IMPG1: variants seen among roughly 807,000 people sequenced by gnomAD.
IMPG1 encodes interphotoreceptor matrix proteoglycan 1, also known as interphotoreceptor matrix proteoglycan of 150 kDa.
In IMPG1, 85 loss-of-function variants were observed where a neutral mutation model predicts 92.0. That is an observed-to-expected ratio of 0.92 (90% CI 0.78 to 1.11). The LOEUF (loss-of-function observed/expected upper bound fraction) is 1.11. IMPG1 is among the 50% of genes least tolerant of loss of function. The pLI, the probability that IMPG1 is intolerant of heterozygous loss-of-function variation, is 0.00. For synonymous variants in IMPG1, 367 were observed against 334.1 expected, an observed-to-expected ratio of 1.10 and a Z score of -1.08; for missense variants, 1,022 against 956.0, an observed-to-expected ratio of 1.07 and a Z score of -0.91.
intron 15 of IMPG1, among the ~76,000 whole-genome samples, chr6:75,924,692 A>ATGATATATTATATAT (rs1433490453): frequency 0.022 from 8 of 358 alleles, 1 homozygote; most frequent in Non-Finnish European, 0.05. Context: ...TATTATATAT[A>ATGATATATTATATAT]AATAATTATA....
intron 1 of IMPG1, among the ~76,000 whole-genome samples, chr6:76,066,219 A>G (rs1784308177): frequency 6.6e-6 from 1 of 152,116 alleles, no homozygotes; most frequent in South Asian, 2.1e-4. Context: ...AACTCCACAT[A>G]TTAATATTAA....
chr6:76,059,080 C>T (rs1203235344), intron 1 of IMPG1, among the ~76,000 whole-genome samples: 2 of 151,970 alleles, frequency 1.3e-5, no homozygotes, highest in African/African-American at 2.4e-5. Flanking sequence ...AGGATCAGAT[C>T]CAATAGAAAG....
chr6:75,976,682 C>T (rs998409096), intron 12 of IMPG1, among the ~76,000 whole-genome samples: 4 of 152,094 alleles, frequency 2.6e-5, no homozygotes, highest in South Asian at 2.1e-4. Context: ...GAGGCTGAGG[C>T]GGGCGGATCA....
At chr6:76,063,001 C>T (rs1346450200) in intron 1 of IMPG1, among the ~76,000 whole-genome samples, 4 of 151,454 alleles carry the variant, frequency 2.6e-5, no homozygotes, top group East Asian at 3.9e-4. Flanking sequence ...GTCAGGAGTT[C>T]GAGACCAGCC....
At chr6:75,974,373 TTCTTTCTTTC>T (rs1782484588) in intron 12 of IMPG1, among the ~76,000 whole-genome samples, 1 of 118,878 alleles carries the variant, frequency 8.4e-6, no homozygotes, top group Non-Finnish European at 1.8e-5. Context: ...CTTTCTTTCT[TTCTTTCTTTC>T]TTTCTTTCTT....
At chr6:75,964,693 A>AAAG (rs1554229450) in intron 12 of IMPG1, among the ~76,000 whole-genome samples, 23 of 142,514 alleles carry the variant, frequency 1.6e-4, no homozygotes, top group African/African-American at 5.4e-4. Flanking sequence ...AAAAAAAAAA[A>AAAG]AGAGAGAGAG....
chr6:76,042,733 G>A (rs1253422604), intron 1 of IMPG1, among the ~76,000 whole-genome samples: 2 of 152,024 alleles, frequency 1.3e-5, no homozygotes, highest in African/African-American at 4.8e-5. Context: ...AAGGATAAAG[G>A]GGGAGGCTTC....
chr6:76,050,406 G>A (rs186591600), intron 1 of IMPG1, among the ~76,000 whole-genome samples: 2 of 152,254 alleles, frequency 1.3e-5, no homozygotes, highest in African/African-American at 2.4e-5. Context: ...TCGTGACACT[G>A]CACTCCAGCC....
At chr6:75,930,240 T>C (rs1319571601) in intron 15 of IMPG1, among the ~76,000 whole-genome samples, 3 of 152,170 alleles carry the variant, frequency 2.0e-5, no homozygotes, top group African/African-American at 4.8e-5. Flanking sequence ...ATCTAGAGAA[T>C]GGACTGTTAT....
At chr6:75,994,157 C>T (rs980495262) in intron 12 of IMPG1, among the ~76,000 whole-genome samples, 2 of 152,128 alleles carry the variant, frequency 1.3e-5, no homozygotes, top group African/African-American at 4.8e-5. Flanking sequence ...GAAAAATATG[C>T]CAAACACCCA....
At chr6:76,005,578 A>G in intron 9 of IMPG1, 44 bp from the exon 10 acceptor site, 10 of 1,594,508 alleles carry the variant, frequency 6.3e-6, no homozygotes, top group Non-Finnish European at 8.5e-6. Flanking sequence ...AGCCATTGTT[A>G]CATGCCTTGC....
chr6:75,954,619 T>C (rs1288210365), intron 12 of IMPG1, among the ~76,000 whole-genome samples: 3 of 152,226 alleles, frequency 2.0e-5, no homozygotes, highest in Admixed American at 2.0e-4. Context: ...TTAGTTTAAT[T>C]AGATCCCATT....
chr6:75,965,854 G>T (rs149537170), intron 12 of IMPG1, among the ~76,000 whole-genome samples: 1 of 152,000 alleles, frequency 6.6e-6, no homozygotes, highest in Non-Finnish European at 1.5e-5. Flanking sequence ...TGATCTGCCC[G>T]CCTTGGCCTC....
chr6:76,064,062 C>G (rs188574194), intron 1 of IMPG1, among the ~76,000 whole-genome samples: 1 of 152,142 alleles, frequency 6.6e-6, no homozygotes, highest in South Asian at 2.1e-4. Flanking sequence ...CTCCCTACCC[C>G]ACCCACTGTT....
intron 1 of IMPG1, among the ~76,000 whole-genome samples, chr6:76,045,529 C>T (rs998170449): frequency 3.3e-5 from 5 of 151,336 alleles, no homozygotes; most frequent in Non-Finnish European, 7.4e-5. Flanking sequence ...ACAGAGAACC[C>T]CCCTGTGATG....
chr6:75,985,523 AG>A (rs1339596214), intron 12 of IMPG1, among the ~76,000 whole-genome samples: 1 of 152,242 alleles, frequency 6.6e-6, no homozygotes. Context: ...TCTGCTAAAA[AG>A]TATTTATATT....
At chr6:76,033,338 C>G (rs1158768654) in intron 4 of IMPG1, among the ~76,000 whole-genome samples, 2 of 152,228 alleles carry the variant, frequency 1.3e-5, no homozygotes, top group African/African-American at 4.8e-5. Context: ...TGATGCAGTT[C>G]TTACCACTCA....
In IMPG1 at chr6:75,931,093, C is replaced by A. The variant is rs756107174; in HGVS notation, c.2103G>T (p.Lys701Asn). The change falls in exon 15 of 17, where the codon AAG becomes AAT. Residue 701 changes from lysine (K) to asparagine (N), a missense_variant. Coordinates refer to ENST00000369950, the MANE Select transcript of IMPG1 (RefSeq NM_001563.4). ...LACGEFAQCV[K>N]NERTEEAECR... Reference sequence around the variant, plus strand: ...ACTCCGCTTCCTCAGTCCGTTCGTTCTTTACACATTGGGCAAATTCGCCGC... The same window carrying A: ...ACTCCGCTTCCTCAGTCCGTTCGTTATTTACACATTGGGCAAATTCGCCGC... 1 of 1,614,190 alleles carries A rather than the reference C, an allele frequency of 6.2e-7. No homozygotes were observed. Among genetic ancestry groups the A allele is most frequent in the South Asian group, 1.1e-5 (1 of 91,086 alleles).
chr6:76,052,411 C>G (rs78773437), intron 1 of IMPG1, among the ~76,000 whole-genome samples: 3,421 of 152,224 alleles, frequency 0.022, 114 homozygotes, highest in African/African-American at 0.075. Context: ...CACACTGCCT[C>G]CATTTAAGGC....
Sources: gnomAD v4.1 joint callset for allele counts (sites outside exome capture counted in the v4.1 genomes callset) on GRCh38, gnomAD v4.1.1 for gene constraint, MANE v1.5 for transcripts, NCBI Gene and HGNC (gene_info 2026-07-23, HGNC 2026-07-21) for gene names.